Variants in DCC observed in about 807,000 individuals in gnomAD.
DCC encodes the protein DCC netrin 1 receptor, also known as netrin receptor DCC.
A neutral mutation model predicts 172.5 loss-of-function variants in DCC; 58 were observed. The observed-to-expected ratio is 0.34, with a 90% CI of 0.27 to 0.42. The LOEUF (loss-of-function observed/expected upper bound fraction) is 0.42. Among genes scored for constraint, DCC ranks in the 10% least tolerant of loss-of-function variants. DCC has a pLI of 1.00. For synonymous variants in DCC, 709 were observed against 644.5 expected, an observed-to-expected ratio of 1.10 and a Z score of -1.52; for missense variants, 1,740 against 1,791.0, an observed-to-expected ratio of 0.97 and a Z score of 0.51.
At position 52,380,617 on chromosome 18, in the gene DCC, G is replaced by T. The variant is rs974405540; in HGVS notation, c.91+39739G>T. Among the ~76,000 whole-genome samples, 4 of 152,060 alleles carry T rather than the reference G, an allele frequency of 2.6e-5. No homozygotes were observed. In the East Asian group the frequency reaches 7.7e-4, roughly 29 times the overall value. On this transcript the variant is annotated intron_variant, in intron 1 of 28. Transcript: ENST00000442544. ...AGATTTAACCATGAGTTTTACATTTGTCTCTGAATATCTTAGGTGATTTTA... is the reference window on the plus strand; with the variant it reads ...AGATTTAACCATGAGTTTTACATTTTTCTCTGAATATCTTAGGTGATTTTA...
intron 1 of DCC, among the ~76,000 whole-genome samples, chr18:52,396,391 T>G (rs1986232226): frequency 7.0e-6 from 1 of 143,708 alleles, no homozygotes; most frequent in African/African-American, 2.6e-5. Flanking sequence ...TTCCTGACAA[T>G]CAATTTTCTC....
intron 1 of DCC, among the ~76,000 whole-genome samples, chr18:52,433,505 C>A (rs945607556): frequency 1.3e-5 from 2 of 152,084 alleles, no homozygotes; most frequent in Non-Finnish European, 2.9e-5. Flanking sequence ...TTGCAATACA[C>A]AACAATTTGG....
At chr18:53,524,021 T>A (rs928214423) in intron 27 of DCC, among the ~76,000 whole-genome samples, 1 of 152,020 alleles carries the variant, frequency 6.6e-6, no homozygotes, top group African/African-American at 2.4e-5. Flanking sequence ...GTTGGTCAAA[T>A]GGTACAAAAT....
chr18:53,416,280 TGAC>T, intron 21 of DCC, 124 bp downstream of exon 21: 1 of 765,154 alleles, frequency 1.3e-6, no homozygotes, highest in Non-Finnish European at 2.3e-6. Context: ...GACACTGGCG[TGAC>T]GATTAATCTT....
At chr18:53,111,165 C>T (rs1293318028) in intron 7 of DCC, among the ~76,000 whole-genome samples, 5 of 148,498 alleles carry the variant, frequency 3.4e-5, no homozygotes, top group African/African-American at 1.0e-4. Flanking sequence ...AACCAAACAT[C>T]GCATGTTCTC....
At chr18:53,185,073 T>C (rs1462071047) in intron 9 of DCC, among the ~76,000 whole-genome samples, 3 of 152,196 alleles carry the variant, frequency 2.0e-5, no homozygotes, top group African/African-American at 7.2e-5. Flanking sequence ...AGCACTGGCA[T>C]TACATCTTTT....
intron 7 of DCC, among the ~76,000 whole-genome samples, chr18:53,137,891 C>T (rs1266753798): frequency 2.0e-5 from 3 of 152,106 alleles, no homozygotes; most frequent in Non-Finnish European, 2.9e-5. Flanking sequence ...TCATGGCTCA[C>T]TGCAGTTGCT....
chr18:52,971,950 G>A (rs1301641177), intron 5 of DCC, among the ~76,000 whole-genome samples: 3 of 152,084 alleles, frequency 2.0e-5, no homozygotes, highest in South Asian at 2.1e-4. Context: ...GCTCCCTCAC[G>A]GCATCAGAAC....
intron 1 of DCC, among the ~76,000 whole-genome samples, chr18:52,593,756 A>G (rs2033850203): frequency 1.3e-5 from 2 of 152,216 alleles, no homozygotes; most frequent in South Asian, 4.1e-4. Context: ...TATCTGCTAG[A>G]TAAGAGCAAC....
chr18:52,923,341 G>C, intron 3 of DCC, among the ~76,000 whole-genome samples: 1 of 152,156 alleles, frequency 6.6e-6, no homozygotes, highest in East Asian at 1.9e-4. Flanking sequence ...AAGTAGAATA[G>C]ATATTGGTGG....
intron 3 of DCC, among the ~76,000 whole-genome samples, chr18:52,919,214 A>G (rs750585191): frequency 6.6e-6 from 1 of 152,176 alleles, no homozygotes; most frequent in African/African-American, 2.4e-5. Context: ...TGCAGAGCTC[A>G]TGCAGCGTGA....
intron 19 of DCC, 40 bp downstream of exon 19, chr18:53,402,933 T>A: frequency 7.0e-7 from 1 of 1,424,286 alleles, no homozygotes. Context: ...AGCTCTCCCT[T>A]GTCCTATAAT....
At chr18:52,870,242 G>T (rs1445961228) in intron 2 of DCC, among the ~76,000 whole-genome samples, 1 of 152,034 alleles carries the variant, frequency 6.6e-6, no homozygotes, top group African/African-American at 2.4e-5. Flanking sequence ...AGTGGTGGAG[G>T]CTCCAGGCCT....
intron 14 of DCC, among the ~76,000 whole-genome samples, chr18:53,323,688 A>G (rs558221412): frequency 6.6e-6 from 1 of 151,342 alleles, no homozygotes; most frequent in Non-Finnish European, 1.5e-5. Flanking sequence ...GATGGTTGGA[A>G]GGTTGGAAGG....
chr18:52,504,735 T>A (rs1318508627), intron 1 of DCC, among the ~76,000 whole-genome samples: 1 of 151,990 alleles, frequency 6.6e-6, no homozygotes, highest in Non-Finnish European at 1.5e-5. Flanking sequence ...GCTTCCCCCC[T>A]CAACTTCTTC....
At chr18:53,489,972 T>A (rs1239453162) in intron 26 of DCC, among the ~76,000 whole-genome samples, 2 of 152,138 alleles carry the variant, frequency 1.3e-5, no homozygotes, top group African/African-American at 4.8e-5. Context: ...TTTCTACAAA[T>A]CAGTACAAAA....
intron 9 of DCC, among the ~76,000 whole-genome samples, chr18:53,188,365 AAAG>A: frequency 1.3e-5 from 2 of 152,310 alleles, no homozygotes; most frequent in South Asian, 4.1e-4. Context: ...AAAATAAGCA[AAAG>A]ATCTGTGTTC....
At chr18:53,047,308 AATTT>A (rs201504062) in intron 5 of DCC, among the ~76,000 whole-genome samples, 4 of 18,880 alleles carry the variant, frequency 2.1e-4, no homozygotes, top group African/African-American at 1.2e-3. Flanking sequence ...ATATATATAT[AATTT>A]TATATATATA....
chr18:52,426,895 G>A (rs1160641274), intron 1 of DCC, among the ~76,000 whole-genome samples: 1 of 152,074 alleles, frequency 6.6e-6, no homozygotes, highest in African/African-American at 2.4e-5. Flanking sequence ...ACGATTCATT[G>A]AATACTTACA....
Sources: allele counts gnomAD v4.1 joint callset (sites outside exome capture counted in the v4.1 genomes callset), GRCh38; gene constraint gnomAD v4.1.1; transcripts MANE v1.5; gene names NCBI Gene and HGNC (gene_info 2026-07-23, HGNC 2026-07-21).